Variants in BBX observed in about 807,000 individuals in gnomAD.
BBX encodes the protein HMG box transcription factor BBX.
Under a neutral mutation model 100.2 loss-of-function variants are expected in BBX, and 30 were observed. The ratio of observed to expected loss-of-function variants is 0.30; its 90% confidence interval spans 0.22 to 0.41. The LOEUF (loss-of-function observed/expected upper bound fraction) is 0.41, where lower values mean the gene tolerates loss of function less well. Among genes scored for constraint, BBX ranks in the 10% least tolerant of loss-of-function variants. BBX has a pLI of 1.00. For missense variants in BBX, 1,023 were observed against 1,129.8 expected (o/e 0.91, Z 1.35); for synonymous variants, 376 against 388.1 (o/e 0.97, Z 0.37).
chr3:107,760,234 A>G (rs548776864), intron 10 of BBX, among the ~76,000 whole-genome samples: 22 of 152,328 alleles, frequency 1.4e-4, no homozygotes, highest in African/African-American at 5.3e-4. Context: ...AATATAAAAG[A>G]CTGTGCAAGT....
intron 7 of BBX, among the ~76,000 whole-genome samples, chr3:107,742,197 A>G (rs1284505344): frequency 1.3e-5 from 2 of 152,080 alleles, no homozygotes; most frequent in African/African-American, 4.8e-5. Context: ...AATTTGTTTT[A>G]GACAGACTCT....
chr3:107,548,591 A>C (rs1576262448), intron 2 of BBX, among the ~76,000 whole-genome samples: 1 of 152,348 alleles, frequency 6.6e-6, no homozygotes, highest in East Asian at 1.9e-4. Flanking sequence ...AGATTTCTCA[A>C]AGAACTTAAA....
chr3:107,730,720 C>G (rs1296065418), intron 6 of BBX, among the ~76,000 whole-genome samples: 1 of 152,116 alleles, frequency 6.6e-6, no homozygotes, highest in Non-Finnish European at 1.5e-5. Flanking sequence ...AAGGAAAACA[C>G]CTTCCTTGCA....
intron 13 of BBX, 82 bp downstream of exon 13, chr3:107,778,601 A>C: frequency 1.4e-6 from 2 of 1,434,452 alleles, no homozygotes; most frequent in East Asian, 2.3e-5. Context: ...CCCTTTAGAC[A>C]TATCATTGGA....
chr3:107,573,972 G>A (rs1056854231), intron 2 of BBX, among the ~76,000 whole-genome samples: 8 of 152,136 alleles, frequency 5.3e-5, no homozygotes, highest in Admixed American at 1.3e-4. Context: ...TGATCCACCC[G>A]CCTCAGCCTC....
intron 3 of BBX, among the ~76,000 whole-genome samples, chr3:107,696,967 C>T (rs2060652900): frequency 6.6e-6 from 1 of 151,780 alleles, no homozygotes; most frequent in Non-Finnish European, 1.5e-5. Flanking sequence ...ATCACTGATA[C>T]CCTTTCTTCC....
intron 10 of BBX, among the ~76,000 whole-genome samples, chr3:107,765,444 G>A (rs773177608): frequency 6.6e-6 from 1 of 151,548 alleles, no homozygotes; most frequent in Non-Finnish European, 1.5e-5. Context: ...TTTAGGGGTG[G>A]GTGTGGGTGT....
chr3:107,598,741 C>T (rs1161347086), intron 2 of BBX, among the ~76,000 whole-genome samples: 2 of 152,212 alleles, frequency 1.3e-5, no homozygotes. Context: ...TTTGCTACAT[C>T]ACACCTTCTG....
At chr3:107,754,684 A>G (rs2065339125) in intron 9 of BBX, among the ~76,000 whole-genome samples, 1 of 152,226 alleles carries the variant, frequency 6.6e-6, no homozygotes, top group South Asian at 2.1e-4. Context: ...AAGCAGGATT[A>G]CCTACTAAAT....
rs552601726 is a variant in BBX, at chr3:107,802,802, T to C, written c.2738+1521T>C. 2.0e-5 allele frequency among the ~76,000 whole-genome samples: 3 copies of C among 152,250 alleles called. No homozygotes were observed. The South Asian group carries it at 6.2e-4, about 32-fold the overall frequency. ...CCACACTCCCTACCCTGCAGTTAGG[T>C]GGAATCACTTACCCCTTTCCAGATA... On this transcript the variant is annotated intron_variant, in intron 17 of 17. Coordinates refer to ENST00000325805, the MANE Select transcript of BBX (RefSeq NM_001142568.3).
chr3:107,643,735 A>T (rs1483237856), intron 2 of BBX, among the ~76,000 whole-genome samples: 5 of 151,918 alleles, frequency 3.3e-5, no homozygotes, highest in Non-Finnish European at 7.4e-5. Context: ...AAATCAGTAC[A>T]CTCTCTGAAA....
In BBX at chr3:107,794,364, C is replaced by T. The variant is rs769250836; in HGVS notation, c.2353+3065C>T. 6.6e-5 allele frequency among the ~76,000 whole-genome samples: 10 copies of T among 151,984 alleles called. No homozygotes were observed. In the East Asian group the frequency reaches 1.4e-3, roughly 21 times the overall value. On this transcript the variant is annotated intron_variant, in intron 15 of 17. Transcript: ENST00000325805. The stretch of plus-strand genomic sequence containing the variant: ...TAAGTACATCAGCTACTACATTTTC[C>T]GTTTTTCATATTTGTAGACTTTTAA...
At chr3:107,591,992 C>CA (rs1205098992) in intron 2 of BBX, among the ~76,000 whole-genome samples, 2 of 151,924 alleles carry the variant, frequency 1.3e-5, no homozygotes, top group South Asian at 2.1e-4. Flanking sequence ...CATTAAGGTG[C>CA]AAAAAATGTT....
intron 3 of BBX, among the ~76,000 whole-genome samples, chr3:107,687,334 CTT>C (rs35093419): frequency 0.055 from 7,990 of 144,826 alleles, 682 homozygotes; most frequent in African/African-American, 0.18. Flanking sequence ...AGTTAAGTTT[CTT>C]TTTTTTTTTT....
At chr3:107,592,004 T>C (rs2053352507) in intron 2 of BBX, among the ~76,000 whole-genome samples, 1 of 152,182 alleles carries the variant, frequency 6.6e-6, no homozygotes, top group South Asian at 2.1e-4. Flanking sequence ...AAAAATGTTA[T>C]TTTTGAATAT....
chr3:107,613,390 A>G (rs2054996501), intron 2 of BBX, among the ~76,000 whole-genome samples: 1 of 149,168 alleles, frequency 6.7e-6, no homozygotes, highest in Admixed American at 6.8e-5. Flanking sequence ...CCTAAAATAC[A>G]TTCCTGTTAT....
chr3:107,626,155 T>C (rs1322269611), intron 2 of BBX, among the ~76,000 whole-genome samples: 1 of 152,202 alleles, frequency 6.6e-6, no homozygotes, highest in Non-Finnish European at 1.5e-5. Context: ...TTAGGAACAT[T>C]AATCTATTTA....
At chr3:107,637,572 G>A (rs1381851727) in intron 2 of BBX, among the ~76,000 whole-genome samples, 1 of 152,184 alleles carries the variant, frequency 6.6e-6, no homozygotes, top group African/African-American at 2.4e-5. Flanking sequence ...TTGTGTGGTC[G>A]ATGGGTTGAA....
At chr3:107,634,677 C>A (rs1349135030) in intron 2 of BBX, among the ~76,000 whole-genome samples, 1 of 152,166 alleles carries the variant, frequency 6.6e-6, no homozygotes, top group African/African-American at 2.4e-5. Flanking sequence ...TGTTACTGTT[C>A]ACCCTGAAAA....
Sources: allele counts gnomAD v4.1 joint callset (sites outside exome capture counted in the v4.1 genomes callset), GRCh38; gene constraint gnomAD v4.1.1; transcripts MANE v1.5; gene names NCBI Gene and HGNC (gene_info 2026-07-23, HGNC 2026-07-21).